The following AP5M1 variants were observed in gnomAD, a reference collection of about 807,000 sequenced individuals.
AP5M1 encodes AP-5 complex subunit mu-1.
Under a neutral mutation model 52.3 loss-of-function variants are expected in AP5M1, and 44 were observed. The observed-to-expected ratio is 0.84, with a 90% CI of 0.66 to 1.08. The LOEUF (loss-of-function observed/expected upper bound fraction) is 1.08. Ranked by LOEUF, AP5M1 falls within the 50% of genes least tolerant of loss-of-function variation. AP5M1 has a pLI of 0.00. For missense variants in AP5M1, 526 were observed against 568.4 expected (o/e 0.93, Z 0.76); for synonymous variants, 213 against 199.0 (o/e 1.07, Z -0.59).
At position 57,292,660 on chromosome 14, in the gene AP5M1, ATACT is replaced by A. The variant is rs1885463365; in HGVS notation, c.*3779_*3782del. The A allele has an allele frequency of 6.6e-6, 1 of 151,798 alleles. No homozygotes were observed. The highest frequency in any genetic ancestry group is 2.1e-4 in the South Asian group (1 of 4,830). 9.4% of individuals were successfully genotyped at this position (151,798 alleles called of 1,614,324 possible). A position where few individuals can be genotyped will look rare whatever the true frequency, so the allele number is the denominator to read the frequency against. ...CTAGTTTTGTTTCATGCACTAGGGT[ATACT>A]TAACTGGCCTTGACATAACCAAAAA... On this transcript the variant is annotated 3_prime_UTR_variant, in exon 8 of 8. Coordinates refer to ENST00000261558, the MANE Select transcript of AP5M1 (RefSeq NM_018229.4).
At chr14:57,279,107 G>C (rs1594702330) in intron 2 of AP5M1, among the ~76,000 whole-genome samples, 1 of 152,306 alleles carries the variant, frequency 6.6e-6, no homozygotes, top group Non-Finnish European at 1.5e-5. Context: ...TTTAATCATT[G>C]TGGAAGACTG....
In AP5M1 at chr14:57,280,995, G is replaced by A. The variant is rs892544864; in HGVS notation, c.948+573G>A. The stretch of plus-strand genomic sequence containing the variant: ...GTTCATGGTCATGGGATAGATTTTG[G>A]TATGATTTAGTCATGATTTTAACCA... On this transcript the variant is annotated intron_variant, in intron 3 of 7. Coordinates refer to ENST00000261558, the MANE Select transcript of AP5M1 (RefSeq NM_018229.4). 3.3e-5 allele frequency among the ~76,000 whole-genome samples: 5 copies of A among 151,512 alleles called. No homozygotes were observed. The East Asian group carries it at 5.8e-4, about 18-fold the overall frequency.
At position 57,288,992 on chromosome 14, in the gene AP5M1, T is replaced by C; in HGVS notation, c.*108T>C. 4.7e-6 allele frequency: 3 copies of C among 632,662 alleles called. No individual in the cohort carries two copies. The East Asian group carries it at 9.5e-5, about 20-fold the overall frequency. 39.2% of individuals were successfully genotyped at this position (632,662 alleles called of 1,614,324 possible). On this transcript the variant is annotated 3_prime_UTR_variant, in exon 8 of 8. Transcript: ENST00000261558. ...AACCTGTGAGTGAAAAATCACTGAA[T>C]GATTTAATTGTAAAAGTAGTCTTAT...
rs1885522193 is a variant in AP5M1 at position 57,295,114 on chromosome 14, C to T, written c.*6230C>T. The stretch of plus-strand genomic sequence containing the variant: ...TCATTTCAGTACACCCATAGTTTCT[C>T]AACAGGTGTAGCAGATTTGTTTCTA... On this transcript the variant is annotated 3_prime_UTR_variant, in exon 8 of 8. Coordinates refer to ENST00000261558, the MANE Select transcript of AP5M1 (RefSeq NM_018229.4). 6.6e-6 allele frequency: 1 copy of T among 151,854 alleles called. No homozygotes were observed. Among genetic ancestry groups the T allele is most frequent in the Non-Finnish European group, 1.5e-5 (1 of 67,864 alleles). 9.4% of individuals were successfully genotyped at this position (151,854 alleles called of 1,614,324 possible). A position where few individuals can be genotyped will look rare whatever the true frequency, so the allele number is the denominator to read the frequency against.
Position 57,288,971 on chromosome 14 carries a change from T to G in AP5M1, c.*87T>G, listed in dbSNP as rs1006412633. On this transcript the variant is annotated 3_prime_UTR_variant, in exon 8 of 8. Transcript: ENST00000261558. ...ATTTTTAATGTGGATGCATATAACC[T>G]GTGAGTGAAAAATCACTGAATGATT... 2.7e-6 allele frequency: 2 copies of G among 749,186 alleles called. No homozygotes were observed. Among genetic ancestry groups the G allele is most frequent in the Admixed American group, 5.8e-5 (2 of 34,740 alleles). The allele number at this position is 749,186 out of a possible 1,614,324, so 46.4% of individuals were successfully genotyped here.
chr14:57,283,088 T>C (rs753302061), intron 5 of AP5M1, 24 bp from the exon 6 acceptor site: 1 of 1,587,324 alleles, frequency 6.3e-7, no homozygotes, highest in East Asian at 2.2e-5. Flanking sequence ...TTTAGAATTG[T>C]TTATTGGTAT....
At chr14:57,276,643 C>G (rs1566515012) in intron 2 of AP5M1, among the ~76,000 whole-genome samples, 1 of 129,314 alleles carries the variant, frequency 7.7e-6, no homozygotes, top group Non-Finnish European at 1.6e-5. Flanking sequence ...TAGCAATAAA[C>G]AGGGAATATG....
At chr14:57,276,630 C>A (rs951736881) in intron 2 of AP5M1, among the ~76,000 whole-genome samples, 2 of 122,782 alleles carry the variant, frequency 1.6e-5, no homozygotes, top group Admixed American at 8.6e-5. Context: ...TTTTTTCATT[C>A]TGTAGCAATA....
At chr14:57,280,504 G>A in intron 3 of AP5M1, 82 bp downstream of exon 3, 1 of 933,276 alleles carries the variant, frequency 1.1e-6, no homozygotes, top group East Asian at 2.5e-5. Flanking sequence ...CATACTCTTG[G>A]TATGAGAACT....
rs1409920593 is a variant in AP5M1 at position 57,293,864 on chromosome 14, C to A, written c.*4980C>A. ...ATTTTAAGGGCAAATATTCAAATAT[C>A]TTTCCTCCAAACACAGTATTAGTTA... On this transcript the variant is annotated 3_prime_UTR_variant, in exon 8 of 8. Coordinates refer to ENST00000261558, the MANE Select transcript of AP5M1 (RefSeq NM_018229.4). 3 of 151,530 alleles carry A rather than the reference C, an allele frequency of 2.0e-5. No individual in the cohort carries two copies. Among genetic ancestry groups the A allele is most frequent in the Non-Finnish European group, 4.4e-5 (3 of 67,684 alleles). 9.4% of individuals were successfully genotyped at this position (151,530 alleles called of 1,614,324 possible). A position where few individuals can be genotyped will look rare whatever the true frequency, so the allele number is the denominator to read the frequency against.
At position 57,292,933 on chromosome 14, in the gene AP5M1, A is replaced by G. The variant is rs1471479838; in HGVS notation, c.*4049A>G. 1 of 151,664 alleles carries G rather than the reference A, an allele frequency of 6.6e-6. No individual in the cohort carries two copies. The highest frequency in any genetic ancestry group is 1.5e-5 in the Non-Finnish European group (1 of 67,748). 9.4% of individuals were successfully genotyped at this position (151,664 alleles called of 1,614,324 possible). A position where few individuals can be genotyped will look rare whatever the true frequency, so the allele number is the denominator to read the frequency against. On this transcript the variant is annotated 3_prime_UTR_variant, in exon 8 of 8. Coordinates refer to ENST00000261558, the MANE Select transcript of AP5M1 (RefSeq NM_018229.4). ...AAGGAGCTTCTTGTGTTTCCATTAT[A>G]AGAATAATTGCATTCATTTTCAGAA...
chr14:57,280,067 A>C, intron 2 of AP5M1, 128 bp from the exon 3 acceptor site: 1 of 730,732 alleles, frequency 1.4e-6, no homozygotes, highest in Admixed American at 2.2e-5. Flanking sequence ...AGAACACAGA[A>C]AGCAAAGAGA....
chr14:57,280,052 T>C, intron 2 of AP5M1, 143 bp from the exon 3 acceptor site: 2 of 686,562 alleles, frequency 2.9e-6, no homozygotes, highest in Non-Finnish European at 5.1e-6. Flanking sequence ...ATAAAACCAT[T>C]AATAAGAACA....
At chr14:57,276,128 T>G (rs1167264394) in intron 2 of AP5M1, among the ~76,000 whole-genome samples, 1 of 152,164 alleles carries the variant, frequency 6.6e-6, no homozygotes. Context: ...TATTTTAAAC[T>G]CATATCTATC....
At chr14:57,274,097 G>A in intron 1 of AP5M1, 147 bp from the exon 2 acceptor site, 1 of 837,350 alleles carries the variant, frequency 1.2e-6, no homozygotes, top group Non-Finnish European at 1.8e-6. Flanking sequence ...TTTGGTTGTT[G>A]GCTTTTGTGG....
At position 57,293,059 on chromosome 14, in the gene AP5M1, C is replaced by G. The variant is rs752832064; in HGVS notation, c.*4175C>G. 2.0e-5 allele frequency: 3 copies of G among 150,846 alleles called. No individual in the cohort carries two copies. The highest frequency in any genetic ancestry group is 4.4e-5 in the Non-Finnish European group (3 of 67,604). The allele number at this position is 150,846 out of a possible 1,614,324, so 9.3% of individuals were successfully genotyped here. On this transcript the variant is annotated 3_prime_UTR_variant, in exon 8 of 8. Transcript: ENST00000261558. Reference sequence around the variant, plus strand: ...TCAGTTATCTGAGTACCTCTTCTTCCATAATTTTAAATTTTGAAATATTAT... The same window carrying G: ...TCAGTTATCTGAGTACCTCTTCTTCGATAATTTTAAATTTTGAAATATTAT...
At chr14:57,273,688 T>C (rs1161420119) in intron 1 of AP5M1, 2 of 701,894 alleles carry the variant, frequency 2.8e-6, no homozygotes, top group Non-Finnish European at 2.6e-6. Flanking sequence ...ATTACTAAAA[T>C]GATCTTCCAT....
chr14:57,282,704 A>G (rs542804699), intron 4 of AP5M1, among the ~76,000 whole-genome samples: 1 of 152,308 alleles, frequency 6.6e-6, no homozygotes, highest in East Asian at 1.9e-4. Flanking sequence ...GTATGATTTC[A>G]TAGTTGTCTT....
chr14:57,269,181 C>A lies in AP5M1; in HGVS notation c.-134C>A. The A allele has an allele frequency of 1.2e-6, 1 of 814,164 alleles. No individual in the cohort carries two copies. The highest frequency in any genetic ancestry group is 2.5e-5 in the East Asian group (1 of 40,388). The allele number at this position is 814,164 out of a possible 1,614,324, so 50.4% of individuals were successfully genotyped here. ...TCACCTAAAAAAGCTAACCTCTCTG[C>A]TGAGCGCGACCGGTATGCGGCGCAG... On this transcript the variant is annotated 5_prime_UTR_variant, in exon 1 of 8. It adds an upstream start codon to the 5' untranslated region. Transcript: ENST00000261558.
Sources: gnomAD v4.1 joint callset for allele counts (sites outside exome capture counted in the v4.1 genomes callset) on GRCh38, gnomAD v4.1.1 for gene constraint, MANE v1.5 for transcripts, NCBI Gene and HGNC (gene_info 2026-07-23, HGNC 2026-07-21) for gene names.